The following PCDHA11 variants were observed in gnomAD, a reference collection of about 807,000 sequenced individuals.
PCDHA11 encodes the protein protocadherin alpha 11.
Under a neutral mutation model 70.3 loss-of-function variants are expected in PCDHA11, and 61 were observed. The observed-to-expected ratio is 0.87, with a 90% CI of 0.71 to 1.07. The LOEUF (loss-of-function observed/expected upper bound fraction) is 1.07. Ranked by LOEUF, PCDHA11 falls within the 50% of genes least tolerant of loss-of-function variation. The probability of loss-of-function intolerance (pLI) is 0.00; values close to 1 mark genes in which losing one functional copy is unlikely to be tolerated. For missense variants in PCDHA11, 1,324 were observed against 1,237.5 expected, an observed-to-expected ratio of 1.07 and a Z score of -1.05; for synonymous variants, 633 against 555.1, an observed-to-expected ratio of 1.14 and a Z score of -1.97.
intron 3 of PCDHA11, among the ~76,000 whole-genome samples, chr5:141,008,259 T>G (rs986818585): frequency 3.3e-5 from 5 of 152,202 alleles, no homozygotes; most frequent in Non-Finnish European, 7.3e-5. Context: ...TAGAGGAGAC[T>G]GAGAAGTAAT....
intron 3 of PCDHA11, among the ~76,000 whole-genome samples, chr5:141,009,356 G>T (rs535761188): frequency 7.9e-5 from 12 of 152,204 alleles, no homozygotes; most frequent in Non-Finnish European, 1.6e-4. Context: ...CTACTTGGGA[G>T]GCTAAGATGG....
chr5:140,992,590 T>C (rs536991072), intron 3 of PCDHA11, among the ~76,000 whole-genome samples: 1 of 152,300 alleles, frequency 6.6e-6, no homozygotes, highest in East Asian at 1.9e-4. Flanking sequence ...TGTATGCATC[T>C]AGCGTCTGTG....
chr5:140,873,878 C>T (rs926010571), intron 1 of PCDHA11, among the ~76,000 whole-genome samples: 2 of 152,196 alleles, frequency 1.3e-5, no homozygotes, highest in African/African-American at 4.8e-5. Context: ...CCAGGCTGGT[C>T]TTGAACTCCT....
intron 1 of PCDHA11, chr5:140,928,108 G>C: frequency 6.2e-7 from 1 of 1,614,190 alleles, no homozygotes; most frequent in Non-Finnish European, 8.5e-7. Flanking sequence ...CCTGGACCGG[G>C]AGCAGATCAG....
chr5:140,924,945 A>T (rs200246310), intron 1 of PCDHA11, among the ~76,000 whole-genome samples: 4 of 64,382 alleles, frequency 6.2e-5, no homozygotes, highest in African/African-American at 1.9e-4. Context: ...ATAAAAAGTT[A>T]AAAAAAAAAT....
At chr5:140,926,117 A>G (rs2082917656) in intron 1 of PCDHA11, among the ~76,000 whole-genome samples, 1 of 152,190 alleles carries the variant, frequency 6.6e-6, no homozygotes, top group Admixed American at 6.5e-5. Flanking sequence ...GGTGCAGGAC[A>G]GACTTCAACC....
In PCDHA11 at chr5:141,005,071, G is replaced by A. The variant is rs115656219; in HGVS notation, c.2540-4556G>A. On this transcript the variant is annotated intron_variant, in intron 3 of 3. Coordinates refer to ENST00000398640, the MANE Select transcript of PCDHA11 (RefSeq NM_018902.5). ...TACTGAATTCTTGCATTGTGCTAAG[G>A]ATCAAGCTTAGTACTTTACATGCAT... 5.2e-3 allele frequency among the ~76,000 whole-genome samples: 796 copies of A among 152,278 alleles called. 8 individuals are homozygous for A. The highest frequency in any genetic ancestry group is 0.018 in the African/African-American group (745 of 41,556).
intron 3 of PCDHA11, among the ~76,000 whole-genome samples, chr5:140,991,007 G>C (rs2153892777): frequency 6.6e-6 from 1 of 152,280 alleles, no homozygotes; most frequent in South Asian, 2.1e-4. Flanking sequence ...ATTGAGAACT[G>C]TGATAAGCAC....
intron 1 of PCDHA11, among the ~76,000 whole-genome samples, chr5:140,893,945 A>T (rs1293077869): frequency 6.6e-6 from 1 of 152,180 alleles, no homozygotes; most frequent in Non-Finnish European, 1.5e-5. Flanking sequence ...TTAATTCTGC[A>T]TGACTTTATT....
chr5:140,901,857 G>A (rs782415424), intron 1 of PCDHA11, among the ~76,000 whole-genome samples: 4 of 151,902 alleles, frequency 2.6e-5, no homozygotes, highest in African/African-American at 4.8e-5. Flanking sequence ...CCATTTTTTT[G>A]TGTCCTCTTC....
At chr5:140,990,836 C>G (rs1358432111) in intron 3 of PCDHA11, among the ~76,000 whole-genome samples, 1 of 152,120 alleles carries the variant, frequency 6.6e-6, no homozygotes, top group East Asian at 1.9e-4. Context: ...AGCCTATTAG[C>G]AAAAATAGAG....
intron 1 of PCDHA11, among the ~76,000 whole-genome samples, chr5:140,939,296 C>T (rs2153640792): frequency 6.6e-6 from 1 of 152,210 alleles, no homozygotes; most frequent in South Asian, 2.1e-4. Flanking sequence ...CTAATCATCT[C>T]TACAAAAGCC....
intron 1 of PCDHA11, chr5:140,876,774 G>C: frequency 3.7e-6 from 6 of 1,614,228 alleles, no homozygotes; most frequent in Non-Finnish European, 5.1e-6. Flanking sequence ...GCTCGCCTTC[G>C]CTGTGGGCCA....
At chr5:140,962,928 A>G (rs1447478531) in intron 1 of PCDHA11, among the ~76,000 whole-genome samples, 5 of 152,186 alleles carry the variant, frequency 3.3e-5, no homozygotes, top group African/African-American at 1.2e-4. Flanking sequence ...GATACTTCTC[A>G]ACCTCCTCTC....
intron 1 of PCDHA11, among the ~76,000 whole-genome samples, chr5:140,936,139 C>T (rs1166879357): frequency 6.6e-6 from 1 of 152,078 alleles, no homozygotes; most frequent in Non-Finnish European, 1.5e-5. Flanking sequence ...GTGATCTGCC[C>T]GCCTTGGCCT....
At chr5:140,920,093 T>C (rs1289681170) in intron 1 of PCDHA11, among the ~76,000 whole-genome samples, 1 of 152,176 alleles carries the variant, frequency 6.6e-6, no homozygotes, top group African/African-American at 2.4e-5. Flanking sequence ...GTAGAGCCTC[T>C]AAAGGGAGTG....
chr5:140,894,569 C>CT (rs556288790), intron 1 of PCDHA11, among the ~76,000 whole-genome samples: 36 of 151,446 alleles, frequency 2.4e-4, no homozygotes, highest in African/African-American at 7.5e-4. Context: ...AATTATTTTC[C>CT]TTTTTTTTAA....
chr5:140,911,729 C>G (rs571299791), intron 1 of PCDHA11, among the ~76,000 whole-genome samples: 1 of 152,134 alleles, frequency 6.6e-6, no homozygotes, highest in Non-Finnish European at 1.5e-5. Flanking sequence ...GTAAACAGTT[C>G]GTGCCAAGGA....
intron 1 of PCDHA11, chr5:140,883,197 TC>T: frequency 6.2e-7 from 1 of 1,613,904 alleles, no homozygotes; most frequent in Admixed American, 1.7e-5. Context: ...AAACTAGATT[TC>T]GAAGAAAAGA....
Sources: gnomAD v4.1 joint callset for allele counts (sites outside exome capture counted in the v4.1 genomes callset) on GRCh38, gnomAD v4.1.1 for gene constraint, MANE v1.5 for transcripts, NCBI Gene and HGNC (gene_info 2026-07-23, HGNC 2026-07-21) for gene names.